The following DPY19L1 variants were observed in gnomAD, a reference collection of about 807,000 sequenced individuals.
DPY19L1 encodes protein C-mannosyl-transferase DPY19L1.
A neutral mutation model predicts 96.9 loss-of-function variants in DPY19L1; 35 were observed. The ratio of observed to expected loss-of-function variants is 0.36; its 90% CI spans 0.28 to 0.48. DPY19L1 has a LOEUF of 0.48. Among genes scored for constraint, DPY19L1 ranks in the 20% least tolerant of loss-of-function variants. The probability of loss-of-function intolerance (pLI) is 0.99; values close to 1 mark genes in which losing one functional copy is unlikely to be tolerated. For synonymous variants in DPY19L1, 205 were observed against 252.6 expected, an observed-to-expected ratio of 0.81 and a Z score of 1.79; for missense variants, 521 against 777.9, an observed-to-expected ratio of 0.67 and a Z score of 3.93.
chr7:35,001,848 G>A (rs117362385), intron 6 of DPY19L1, among the ~76,000 whole-genome samples: 4,056 of 152,032 alleles, frequency 0.027, 61 homozygotes, highest in Non-Finnish European at 0.042. Flanking sequence ...AAGCTAGGCC[G>A]GGCACAGTGG....
chr7:34,996,942 G>A (rs1437251126), intron 6 of DPY19L1, among the ~76,000 whole-genome samples: 3 of 152,176 alleles, frequency 2.0e-5, no homozygotes, highest in Non-Finnish European at 4.4e-5. Context: ...CTGATGCAGA[G>A]TCATCCCAGG....
intron 1 of DPY19L1, among the ~76,000 whole-genome samples, chr7:35,036,867 C>G (rs1435896490): frequency 6.6e-6 from 1 of 151,732 alleles, no homozygotes; most frequent in African/African-American, 2.4e-5. Flanking sequence ...CCAGGCAGAG[C>G]GCGGGTGGGA....
rs866229213 is a variant in DPY19L1, at chr7:34,929,953, G to T, written c.*1620C>A. On this transcript the variant is annotated 3_prime_UTR_variant, in exon 22 of 22. Transcript: ENST00000638088. ...CGGCTCTAGGCGCTGGCACAAGACT[G>T]GGGGGCGGTGCTTCTCTGAGGGCAC... 6 of 152,234 alleles carry T rather than the reference G, an allele frequency of 3.9e-5. No individual in the cohort carries two copies. The highest frequency in any genetic ancestry group is 8.8e-5 in the Non-Finnish European group (6 of 68,094). 9.4% of individuals were successfully genotyped at this position (152,234 alleles called of 1,614,324 possible). A position where few individuals can be genotyped will look rare whatever the true frequency, so the allele number is the denominator to read the frequency against.
Position 34,989,205 on chromosome 7 carries a change from T to C in DPY19L1, c.822+679A>G, listed in dbSNP as rs571561811. ...ATGTTAATACATTAAAATAAGAATATGCTGTGTAGTTTCTGCAACAAAAAG... is the reference window on the plus strand; with the variant it reads ...ATGTTAATACATTAAAATAAGAATACGCTGTGTAGTTTCTGCAACAAAAAG... On this transcript the variant is annotated intron_variant, in intron 7 of 21. Coordinates refer to ENST00000638088, the MANE Select transcript of DPY19L1 (RefSeq NM_001366673.1). 2.0e-4 allele frequency among the ~76,000 whole-genome samples: 30 copies of C among 152,306 alleles called. No homozygotes were observed. The East Asian group carries it at 5.0e-3, about 25-fold the overall frequency.
intron 15 of DPY19L1, among the ~76,000 whole-genome samples, chr7:34,946,069 G>A (rs1389366748): frequency 6.6e-6 from 1 of 152,188 alleles, no homozygotes; most frequent in Non-Finnish European, 1.5e-5. Context: ...CCATGCCAAC[G>A]TTGTTGGCAA....
intron 11 of DPY19L1, among the ~76,000 whole-genome samples, chr7:34,956,173 A>T (rs1383411674): frequency 3.9e-5 from 6 of 152,336 alleles, no homozygotes; most frequent in African/African-American, 1.4e-4. Context: ...AAATGTACTT[A>T]AATTAGATTT....
At chr7:35,007,055 A>G (rs1023472847) in intron 6 of DPY19L1, among the ~76,000 whole-genome samples, 8 of 152,206 alleles carry the variant, frequency 5.3e-5, no homozygotes, top group Non-Finnish European at 1.2e-4. Context: ...TCATAAAATT[A>G]CAAGGGTGAC....
chr7:34,956,397 G>C (rs1459937888), intron 11 of DPY19L1, among the ~76,000 whole-genome samples: 1 of 151,970 alleles, frequency 6.6e-6, no homozygotes, highest in African/African-American at 2.4e-5. Flanking sequence ...TGTTGTTGTT[G>C]AAAATATAGC....
intron 7 of DPY19L1, chr7:34,988,345 T>G (rs1785093488): frequency 6.6e-6 from 1 of 152,126 alleles, no homozygotes; most frequent in Admixed American, 6.6e-5. Context: ...GTTTCTTAGG[T>G]CATTCCCTCA....
chr7:34,943,100 T>C (rs1327673328), intron 16 of DPY19L1, among the ~76,000 whole-genome samples: 1 of 152,220 alleles, frequency 6.6e-6, no homozygotes, highest in Non-Finnish European at 1.5e-5. Context: ...CACTGATATG[T>C]TCCCAAGACC....
At chr7:35,014,809 G>A (rs2128679078) in intron 3 of DPY19L1, among the ~76,000 whole-genome samples, 1 of 152,254 alleles carries the variant, frequency 6.6e-6, no homozygotes, top group South Asian at 2.1e-4. Flanking sequence ...GGATTAAGGT[G>A]GACTCTAAAC....
At chr7:34,972,230 C>A (rs918673905) in intron 8 of DPY19L1, among the ~76,000 whole-genome samples, 1 of 152,202 alleles carries the variant, frequency 6.6e-6, no homozygotes, top group African/African-American at 2.4e-5. Flanking sequence ...AAGAGGGTTG[C>A]ACCTCCAATA....
intron 21 of DPY19L1, 49 bp downstream of exon 21, chr7:34,937,945 T>A: frequency 6.3e-7 from 1 of 1,590,164 alleles, no homozygotes; most frequent in Admixed American, 1.7e-5. Flanking sequence ...GTGCTTGAAT[T>A]AACCTTCATG....
chr7:34,939,417 G>A (rs2128781081), intron 19 of DPY19L1, 42 bp from the exon 20 acceptor site: 3 of 1,552,634 alleles, frequency 1.9e-6, no homozygotes, highest in Non-Finnish European at 2.7e-6. Flanking sequence ...ACTCAGTGAA[G>A]GCGAGAAGGT....
intron 1 of DPY19L1, among the ~76,000 whole-genome samples, chr7:35,021,735 T>C (rs1321063038): frequency 6.6e-6 from 1 of 152,162 alleles, no homozygotes; most frequent in African/African-American, 2.4e-5. Context: ...CTGCACTGCA[T>C]GGCTGTTGTA....
chr7:34,966,577 C>T (rs1381001218), intron 10 of DPY19L1, among the ~76,000 whole-genome samples: 1 of 152,150 alleles, frequency 6.6e-6, no homozygotes, highest in Non-Finnish European at 1.5e-5. Context: ...AGGCATGAGC[C>T]ACCATGTCGG....
rs554975679 is a variant in DPY19L1 at position 34,998,421 on chromosome 7, C to T, written c.765-8480G>A. On this transcript the variant is annotated intron_variant, in intron 6 of 21. Coordinates refer to ENST00000638088, the MANE Select transcript of DPY19L1 (RefSeq NM_001366673.1). ...AGTTCTCTTCAAAAAGCGACCTCAT[C>T]GCCAGAGAGGGGATGAAGTAAGGAA... 1.2e-4 allele frequency among the ~76,000 whole-genome samples: 18 copies of T among 152,176 alleles called. No individual in the cohort carries two copies. The East Asian group carries it at 2.1e-3, about 18-fold the overall frequency.
At chr7:34,974,682 T>C (rs900820590) in intron 7 of DPY19L1, among the ~76,000 whole-genome samples, 9 of 152,184 alleles carry the variant, frequency 5.9e-5, no homozygotes, top group Non-Finnish European at 1.0e-4. Context: ...TTCAGTATGA[T>C]TGACAGTAAG....
intron 11 of DPY19L1, among the ~76,000 whole-genome samples, chr7:34,956,510 T>A (rs1429307399): frequency 1.4e-5 from 2 of 142,494 alleles, no homozygotes; most frequent in Non-Finnish European, 3.1e-5. Flanking sequence ...GAAATGGGTA[T>A]TTTTTTTTTT....
Sources: allele counts gnomAD v4.1 joint callset (sites outside exome capture counted in the v4.1 genomes callset), GRCh38; gene constraint gnomAD v4.1.1; transcripts MANE v1.5; gene names NCBI Gene and HGNC (gene_info 2026-07-23, HGNC 2026-07-21).